The following ZNF429 variants were observed in gnomAD, a reference collection of about 807,000 sequenced individuals.
ZNF429 encodes zinc finger protein 429.
Under a neutral mutation model 56.8 loss-of-function variants are expected in ZNF429, and 53 were observed. That is an observed-to-expected ratio of 0.93 (90% confidence interval 0.75 to 1.17). The LOEUF is 1.17. Among genes scored for constraint, ZNF429 ranks in the 50% most tolerant of loss-of-function variants. ZNF429 has a pLI of 0.00. For synonymous variants in ZNF429, 278 were observed against 264.7 expected (o/e 1.05, Z -0.49); for missense variants, 849 against 788.4 (o/e 1.08, Z -0.92).
At chr19:21,522,797 G>A (rs986404636) in intron 1 of ZNF429, among the ~76,000 whole-genome samples, 12 of 152,064 alleles carry the variant, frequency 7.9e-5, no homozygotes, top group South Asian at 2.1e-4. Context: ...CTTGGAGGCC[G>A]AGACAGGAGA....
At chr19:21,521,230 A>G (rs531185814) in intron 1 of ZNF429, 139 of 152,384 alleles carry the variant, frequency 9.1e-4, no homozygotes, top group African/African-American at 3.2e-3. Context: ...ATTACAGGAC[A>G]AATCAACATG....
intron 1 of ZNF429, among the ~76,000 whole-genome samples, chr19:21,515,818 T>C (rs973165578): frequency 3.3e-5 from 5 of 152,172 alleles, no homozygotes; most frequent in Admixed American, 1.3e-4. Context: ...TAGCTAGTTA[T>C]TCTAGCACTA....
At position 21,537,679 on chromosome 19, in the gene ZNF429, T is replaced by A; in HGVS notation, c.1626T>A (p.Cys542Ter). The stretch of plus-strand genomic sequence containing the variant: ...AGAAACCTTACAAATGTGAAGAATG[T>A]GGCAAAGCTTTTAACCGGTCCTCAA... ...TGEKPYKCEE[C>*]GKAFNRSSRL... The change falls in exon 4 of 4, where the codon TGT becomes TGA. Residue 542 changes from cysteine (C) to a stop codon, truncating the protein, a stop_gained. Transcript: ENST00000358491. LOFTEE classifies it high-confidence loss of function. 6.2e-7 allele frequency: 1 copy of A among 1,613,802 alleles called. No homozygotes were observed. The highest frequency in any genetic ancestry group is 1.3e-5 in the African/African-American group (1 of 74,972).
chr19:21,535,327 CTCTTTTCT>C lies in ZNF429; in HGVS notation c.227-951_227-944del. ...TCTTTCTTTCTTTCTTTCTTTCTTT[CTCTTTTCT>C]TTTCTTTCCTTTCCTTTCTTTTCTT... is the stretch of plus-strand genomic sequence containing the variant. On this transcript the variant is annotated intron_variant, in intron 3 of 3. Transcript: ENST00000358491. 4.0e-4 allele frequency among the ~76,000 whole-genome samples: 47 copies of C among 116,270 alleles called. 4 individuals are homozygous for C. Among genetic ancestry groups the C allele is most frequent in the African/African-American group, 1.1e-3 (27 of 23,958 alleles). The allele number at this position is 116,270 out of a possible 152,430, so 76.3% of individuals were successfully genotyped here.
intron 1 of ZNF429, among the ~76,000 whole-genome samples, chr19:21,524,916 G>A (rs1400039626): frequency 2.0e-5 from 3 of 152,064 alleles, no homozygotes; most frequent in South Asian, 2.1e-4. Flanking sequence ...TGGTACTTTG[G>A]GTAAAAGACG....
rs952506067 is a variant in ZNF429, at chr19:21,539,647, T to C, written c.*1569T>C. Among the ~76,000 whole-genome samples, 1 of 151,316 alleles carries C rather than the reference T, an allele frequency of 6.6e-6. No individual in the cohort carries two copies. Among genetic ancestry groups the C allele is most frequent in the Non-Finnish European group, 1.5e-5 (1 of 67,936 alleles). On this transcript the variant is annotated 3_prime_UTR_variant, in exon 4 of 4. Coordinates refer to ENST00000358491, the MANE Select transcript of ZNF429 (RefSeq NM_001001415.4). ...GATTTCACCATTTTGTCCAGGGTGG[T>C]CTCAAACTCTTCATCTCAAGTGATC...
intron 1 of ZNF429, among the ~76,000 whole-genome samples, chr19:21,528,077 AC>A (rs2033232743): frequency 6.6e-6 from 1 of 152,142 alleles, no homozygotes; most frequent in Non-Finnish European, 1.5e-5. Flanking sequence ...TACATTCTCT[AC>A]ATCATAGCTT....
intron 1 of ZNF429, 110 bp downstream of exon 1, chr19:21,505,884 C>A: frequency 1.6e-6 from 2 of 1,234,612 alleles, no homozygotes; most frequent in Non-Finnish European, 2.3e-6. Context: ...ACAATCTGCG[C>A]CCGGAATTCT....
chr19:21,518,193 C>G (rs73019716), intron 1 of ZNF429, among the ~76,000 whole-genome samples: 1 of 137,624 alleles, frequency 7.3e-6, no homozygotes, highest in Admixed American at 7.2e-5. Context: ...TGTATGACTT[C>G]TTATGTCTAA....
At position 21,530,638 on chromosome 19, in the gene ZNF429, A is replaced by C. The variant is rs1257174652; in HGVS notation, c.180A>C (p.Lys60Asn). 1 of 1,612,116 alleles carries C rather than the reference A, an allele frequency of 6.2e-7. No individual in the cohort carries two copies. The highest frequency in any genetic ancestry group is 8.5e-7 in the Non-Finnish European group (1 of 1,179,076). Residue 60 changes from lysine (K) to asparagine (N), a missense_variant, in exon 3 of 4, where the codon AAA becomes AAC. Lys to Asn is a moderately conservative substitution (Grantham distance 94). Coordinates refer to ENST00000358491, the MANE Select transcript of ZNF429 (RefSeq NM_001001415.4). ...TAATCACTTGTCTAGAGAAAGAAAA[A>C]GAACCCTGCAAGATGAAGCGACATG... ...PDLITCLEKE[K>N]EPCKMKRHEM...
intron 1 of ZNF429, among the ~76,000 whole-genome samples, chr19:21,522,252 A>C (rs1012939439): frequency 1.3e-5 from 2 of 152,200 alleles, no homozygotes; most frequent in African/African-American, 4.8e-5. Flanking sequence ...ACTATAACCC[A>C]CTGGCATGCA....
In ZNF429 at chr19:21,535,537, CAG is replaced by C; in HGVS notation, c.227-740_227-739del. 2.8e-5 allele frequency among the ~76,000 whole-genome samples: 4 copies of C among 144,666 alleles called. No homozygotes were observed. The East Asian group carries it at 8.2e-4, about 30-fold the overall frequency. 94.9% of individuals were successfully genotyped at this position (144,666 alleles called of 152,430 possible). Reference sequence around the variant, plus strand: ...TTTCCTTCTTTTTCTTTTTTTGAGACAGAGTCTTGCTCTGTTGCCCAGGCTGG... The same window carrying C: ...TTTCCTTCTTTTTCTTTTTTTGAGACAGTCTTGCTCTGTTGCCCAGGCTGG... On this transcript the variant is annotated intron_variant, in intron 3 of 3. Transcript: ENST00000358491.
rs777507211 is a variant in ZNF429 at position 21,537,668 on chromosome 19, T to G, written c.1615T>G (p.Cys539Gly). The G allele has an allele frequency of 5.0e-6, 8 of 1,613,600 alleles. No individual in the cohort carries two copies. In the South Asian group the frequency reaches 6.6e-5, roughly 13 times the overall value. The change falls in exon 4 of 4, where the codon TGT becomes GGT. Residue 539 changes from cysteine to glycine, a missense_variant. Physicochemically the swap from Cys to Gly is radical, Grantham distance 159 (BLOSUM62 -3). Transcript: ENST00000358491. ...TCATACTGGAGAGAAACCTTACAAA[T>G]GTGAAGAATGTGGCAAAGCTTTTAA... ...KIHTGEKPYK[C>G]EECGKAFNRS...
At chr19:21,529,597 C>T in intron 1 of ZNF429, 61 bp from the exon 2 acceptor site, 1 of 1,367,222 alleles carries the variant, frequency 7.3e-7, no homozygotes. Flanking sequence ...TACCCATGGG[C>T]ACTTGGTCAA....
In ZNF429 at chr19:21,509,295, G is replaced by A. The variant is rs558479951; in HGVS notation, c.3+3521G>A. ...ATTACAGGCATGAGCCACCTTGCCC[G>A]GCCTACTACATGATTTTTTAATGGA... On this transcript the variant is annotated intron_variant, in intron 1 of 3. Coordinates refer to ENST00000358491, the MANE Select transcript of ZNF429 (RefSeq NM_001001415.4). Among the ~76,000 whole-genome samples, 22 of 152,044 alleles carry A rather than the reference G, an allele frequency of 1.4e-4. No individual in the cohort carries two copies. The South Asian group carries it at 4.1e-3, about 29-fold the overall frequency.
chr19:21,534,992 CTT>C lies in ZNF429; in HGVS notation c.227-1273_227-1272del. Among the ~76,000 whole-genome samples, 632 of 126,230 alleles carry C rather than the reference CTT, an allele frequency of 5.0e-3. 10 individuals carry two copies. Among genetic ancestry groups the C allele is most frequent in the African/African-American group, 0.014 (477 of 33,096 alleles). The allele number at this position is 126,230 out of a possible 152,430, so 82.8% of individuals were successfully genotyped here. On this transcript the variant is annotated intron_variant, in intron 3 of 3. Transcript: ENST00000358491. Reference sequence around the variant, plus strand: ...GCCTGGCTAATTTTTTGTGTTTTTTCTTTTTTTTTTTTTTTTAGTAGAGATGG... The same window carrying C: ...GCCTGGCTAATTTTTTGTGTTTTTTCTTTTTTTTTTTTTTAGTAGAGATGG...
At position 21,535,347 on chromosome 19, in the gene ZNF429, TC is replaced by T; in HGVS notation, c.227-931del. Among the ~76,000 whole-genome samples the T allele has an allele frequency of 1.7e-3, 135 of 79,878 alleles. 5 individuals carry two copies. Among genetic ancestry groups the T allele is most frequent in the African/African-American group, 4.2e-3 (74 of 17,606 alleles). 52.4% of individuals were successfully genotyped at this position (79,878 alleles called of 152,430 possible). ...TCTTTCTCTTTTCTTTTCTTTCCTT[TC>T]CTTTCTTTTCTTCTTTCTTTCTTTC... On this transcript the variant is annotated intron_variant, in intron 3 of 3. Transcript: ENST00000358491.
chr19:21,535,436 C>CTT, intron 3 of ZNF429, among the ~76,000 whole-genome samples: 2 of 28,022 alleles, frequency 7.1e-5, no homozygotes, highest in African/African-American at 4.1e-4. Flanking sequence ...TTCTTTCTTT[C>CTT]TTTCTTTCTT....
chr19:21,535,696 A>G, intron 3 of ZNF429, among the ~76,000 whole-genome samples: 7 of 151,446 alleles, frequency 4.6e-5, no homozygotes, highest in African/African-American at 1.7e-4. Flanking sequence ...TTGTATTTTT[A>G]GTAGAGACAG....
Sources: gnomAD v4.1 joint callset for allele counts (sites outside exome capture counted in the v4.1 genomes callset) on GRCh38, gnomAD v4.1.1 for gene constraint, MANE v1.5 for transcripts, NCBI Gene and HGNC (gene_info 2026-07-23, HGNC 2026-07-21) for gene names.